MAGI1: variants seen among roughly 807,000 people sequenced by gnomAD.
The protein encoded by MAGI1 is membrane-associated guanylate kinase, WW and PDZ domain-containing protein 1.
Under a neutral mutation model 139.9 loss-of-function variants are expected in MAGI1, and 58 were observed. The ratio of observed to expected loss-of-function variants is 0.41; its 90% CI spans 0.34 to 0.52. MAGI1 has a LOEUF of 0.52. Among genes scored for constraint, MAGI1 ranks in the 20% least tolerant of loss-of-function variants. The pLI, the probability that MAGI1 is intolerant of heterozygous loss-of-function variation, is 0.12. For synonymous variants in MAGI1, 812 were observed against 737.9 expected (o/e 1.10, Z -1.63); for missense variants, 1,874 against 1,901.6 (o/e 0.99, Z 0.27).
chr3:65,805,057 C>T (rs1173615886), intron 1 of MAGI1, among the ~76,000 whole-genome samples: 2 of 152,044 alleles, frequency 1.3e-5, no homozygotes, highest in Admixed American at 6.6e-5. Context: ...ACATCAAAAA[C>T]AATTGTGAAC....
At chr3:65,608,370 G>A (rs2082862365) in intron 2 of MAGI1, among the ~76,000 whole-genome samples, 1 of 152,144 alleles carries the variant, frequency 6.6e-6, no homozygotes, top group African/African-American at 2.4e-5. Context: ...AGGAGGCAAA[G>A]GTTGCAGTAA....
chr3:65,578,707 G>GTGA (rs1178106135), intron 2 of MAGI1, among the ~76,000 whole-genome samples: 1 of 152,106 alleles, frequency 6.6e-6, no homozygotes, highest in East Asian at 1.9e-4. Context: ...ATCACTTGAG[G>GTGA]TCAGGAGTTC....
At chr3:65,753,947 G>A (rs2036364632) in intron 1 of MAGI1, among the ~76,000 whole-genome samples, 1 of 152,086 alleles carries the variant, frequency 6.6e-6, no homozygotes, top group South Asian at 2.1e-4. Context: ...CACAGCTGCA[G>A]GTATAGACTG....
intron 1 of MAGI1, among the ~76,000 whole-genome samples, chr3:65,840,022 T>C (rs1255396424): frequency 6.6e-6 from 1 of 152,192 alleles, no homozygotes; most frequent in Admixed American, 6.5e-5. Flanking sequence ...TTTTGTGGAA[T>C]TGTAAGTGGT....
chr3:65,773,547 A>T (rs941599916), intron 1 of MAGI1, among the ~76,000 whole-genome samples: 2 of 152,104 alleles, frequency 1.3e-5, no homozygotes, highest in Admixed American at 1.3e-4. Context: ...AAAAGACAAA[A>T]AAGAGTGGGG....
intron 2 of MAGI1, among the ~76,000 whole-genome samples, chr3:65,596,042 G>A (rs1224854149): frequency 1.3e-5 from 2 of 152,156 alleles, no homozygotes; most frequent in South Asian, 4.1e-4. Flanking sequence ...GATGAGCTGC[G>A]CCTTGTCGAC....
At chr3:65,423,957 C>T (rs758169322) in intron 12 of MAGI1, among the ~76,000 whole-genome samples, 2 of 152,210 alleles carry the variant, frequency 1.3e-5, no homozygotes, top group African/African-American at 4.8e-5. Context: ...ACAAAAACAA[C>T]TCCTTCTTGT....
rs1179896488 is a variant in MAGI1 at position 65,356,415 on chromosome 3, C to T, written c.4352G>A (p.Arg1451Gln). ...SSRHPPEQRR[R>Q]PYKECSTDLS... ...GTCGGTGCTACATTCTTTGTAAGGTCGCCTTCTCTGCTCCGGGGGATGTCT... is the reference window on the plus strand; with the variant it reads ...GTCGGTGCTACATTCTTTGTAAGGTTGCCTTCTCTGCTCCGGGGGATGTCT... Residue 1451 changes from arginine (R) to glutamine (Q), a missense_variant, in exon 23 of 23, where the codon CGA becomes CAA. Coordinates refer to ENST00000402939, the MANE Select transcript of MAGI1 (RefSeq NM_001033057.2). 1 of 1,604,844 alleles carries T rather than the reference C, an allele frequency of 6.2e-7. No homozygotes were observed. The highest frequency in any genetic ancestry group is 1.7e-5 in the Admixed American group (1 of 59,016).
intron 1 of MAGI1, among the ~76,000 whole-genome samples, chr3:65,862,426 G>A (rs2059586979): frequency 6.6e-6 from 1 of 152,008 alleles, no homozygotes; most frequent in African/African-American, 2.4e-5. Context: ...CTGTCTCTGT[G>A]TTTCTCTCCT....
rs35663778 is a variant in MAGI1 at position 65,796,050 on chromosome 3, CAA to C, written c.314-173964_314-173963del. On this transcript the variant is annotated intron_variant, in intron 1 of 22. Coordinates refer to ENST00000402939, the MANE Select transcript of MAGI1 (RefSeq NM_001033057.2). ...TGGGTGACAGACTGAGACTCTGTCTCAAAAAAAAAAAAAAAAAAAAGAAAAGA... is the reference window on the plus strand; with the variant it reads ...TGGGTGACAGACTGAGACTCTGTCTCAAAAAAAAAAAAAAAAAAGAAAAGA... Among the ~76,000 whole-genome samples the C allele has an allele frequency of 3.9e-3, 403 of 103,024 alleles. 6 individuals are homozygous for C. The highest frequency in any genetic ancestry group is 1.6e-3 in the East Asian group (6 of 3,846). 67.6% of individuals were successfully genotyped at this position (103,024 alleles called of 152,430 possible).
chr3:65,733,874 G>T (rs929235835), intron 1 of MAGI1, among the ~76,000 whole-genome samples: 2 of 152,188 alleles, frequency 1.3e-5, no homozygotes, highest in Admixed American at 1.3e-4. Context: ...TTTGTAGGAG[G>T]CCATGTCACT....
chr3:65,721,533 T>C (rs2033021969), intron 1 of MAGI1, among the ~76,000 whole-genome samples: 1 of 152,226 alleles, frequency 6.6e-6, no homozygotes, highest in Non-Finnish European at 1.5e-5. Flanking sequence ...TAATGTAGGC[T>C]TAAGGGATTT....
intron 1 of MAGI1, among the ~76,000 whole-genome samples, chr3:65,969,182 A>C (rs1486437587): frequency 6.6e-6 from 1 of 152,206 alleles, no homozygotes; most frequent in Non-Finnish European, 1.5e-5. Context: ...GAGTCTCTCC[A>C]TCTTCATGAC....
At chr3:65,492,049 T>A (rs1368613115) in intron 3 of MAGI1, among the ~76,000 whole-genome samples, 1 of 152,214 alleles carries the variant, frequency 6.6e-6, no homozygotes, top group African/African-American at 2.4e-5. Context: ...AAAGCTATAA[T>A]GTCCCTAATA....
chr3:65,739,400 C>A (rs964426864), intron 1 of MAGI1, among the ~76,000 whole-genome samples: 1 of 152,200 alleles, frequency 6.6e-6, no homozygotes, highest in Non-Finnish European at 1.5e-5. Flanking sequence ...ACTTTCTCCA[C>A]ATTAGCAATA....
chr3:65,454,585 G>T (rs72896339), intron 5 of MAGI1, among the ~76,000 whole-genome samples: 7 of 146,864 alleles, frequency 4.8e-5, no homozygotes, highest in African/African-American at 1.8e-4. Context: ...AAAAAAAAAA[G>T]AAGTTTTTTT....
chr3:65,611,359 T>C (rs993498048), intron 2 of MAGI1, among the ~76,000 whole-genome samples: 1 of 143,630 alleles, frequency 7.0e-6, no homozygotes, highest in Non-Finnish European at 1.5e-5. Flanking sequence ...GAGTATACTA[T>C]ATACAGTATA....
intron 14 of MAGI1, among the ~76,000 whole-genome samples, chr3:65,386,918 A>C (rs1377390026): frequency 6.6e-6 from 1 of 152,240 alleles, no homozygotes; most frequent in African/African-American, 2.4e-5. Flanking sequence ...CCATTACTAC[A>C]GACAAACTAA....
chr3:65,656,123 A>G (rs1300895983), intron 1 of MAGI1, among the ~76,000 whole-genome samples: 1 of 152,132 alleles, frequency 6.6e-6, no homozygotes, highest in East Asian at 1.9e-4. Flanking sequence ...CAAGTCTGCA[A>G]TGGGGACAGA....
Sources: gnomAD v4.1 joint callset for allele counts (sites outside exome capture counted in the v4.1 genomes callset) on GRCh38, gnomAD v4.1.1 for gene constraint, MANE v1.5 for transcripts, NCBI Gene and HGNC (gene_info 2026-07-23, HGNC 2026-07-21) for gene names.